The following ALDH8A1 variants were observed in gnomAD, a reference collection of about 807,000 sequenced individuals.
ALDH8A1 encodes the protein aldehyde dehydrogenase 8 family member A1.
A neutral mutation model predicts 43.3 loss-of-function variants in ALDH8A1; 39 were observed. The observed-to-expected ratio is 0.90, with a 90% CI of 0.70 to 1.18. The LOEUF (loss-of-function observed/expected upper bound fraction) is 1.18. ALDH8A1 is among the 50% of genes most tolerant of loss of function. The pLI, the probability that ALDH8A1 is intolerant of heterozygous loss-of-function variation, is 0.00. For synonymous variants in ALDH8A1, 233 were observed against 243.5 expected, an observed-to-expected ratio of 0.96 and a Z score of 0.40; for missense variants, 605 against 622.6, an observed-to-expected ratio of 0.97 and a Z score of 0.30.
intron 2 of ALDH8A1, among the ~76,000 whole-genome samples, chr6:134,943,237 T>C (rs1773890184): frequency 6.6e-6 from 1 of 152,228 alleles, no homozygotes; most frequent in Non-Finnish European, 1.5e-5. Flanking sequence ...TTTCTGATTT[T>C]TGATTGGTTT....
At chr6:134,949,607 G>T (rs1329609119) in intron 1 of ALDH8A1, among the ~76,000 whole-genome samples, 1 of 151,998 alleles carries the variant, frequency 6.6e-6, no homozygotes, top group Non-Finnish European at 1.5e-5. Context: ...CAAAGTGATA[G>T]CTCTTACAAA....
In ALDH8A1 at chr6:134,944,193, G is replaced by A. The variant is rs147021076; in HGVS notation, c.139-227C>T. 610 of 474,840 alleles carry A rather than the reference G, an allele frequency of 1.3e-3. 2 individuals carry two copies. The highest frequency in any genetic ancestry group is 0.011 in the African/African-American group (568 of 50,508). 29.4% of individuals were successfully genotyped at this position (474,840 alleles called of 1,614,324 possible). A position where few individuals can be genotyped will look rare whatever the true frequency, so the allele number is the denominator to read the frequency against. On this transcript the variant is annotated intron_variant, in intron 1 of 6. Transcript: ENST00000265605. The stretch of plus-strand genomic sequence containing the variant: ...AGTGATTCTCCCACCTCAGCCTCCT[G>A]AGCAGCTGGGATTACAGGCATGTGC...
At chr6:134,944,149 C>T (rs536692419) in intron 1 of ALDH8A1, 183 bp from the exon 2 acceptor site, 1 of 680,710 alleles carries the variant, frequency 1.5e-6, no homozygotes, top group South Asian at 2.3e-5. Context: ...CTCACTGCAA[C>T]CTCTGCCTCC....
intron 4 of ALDH8A1, 150 bp downstream of exon 4, chr6:134,939,116 C>G: frequency 8.0e-7 from 1 of 1,248,208 alleles, no homozygotes; most frequent in Non-Finnish European, 1.1e-6. Flanking sequence ...TGAGGGAACC[C>G]TGTGGGTGGA....
intron 3 of ALDH8A1, 38 bp downstream of exon 3, chr6:134,942,371 C>T (rs1773870566): frequency 6.5e-7 from 1 of 1,538,980 alleles, no homozygotes; most frequent in Non-Finnish European, 8.8e-7. Context: ...CATCTGCAAG[C>T]ATAACCGGGA....
chr6:134,927,893 G>A (rs2114684976), intron 6 of ALDH8A1, among the ~76,000 whole-genome samples: 1 of 152,216 alleles, frequency 6.6e-6, no homozygotes, highest in South Asian at 2.1e-4. Context: ...AGAGCCAGAA[G>A]GAGAGAGAAC....
rs1196724249 is a variant in ALDH8A1, at chr6:134,934,866, T to C, written c.593-1834A>G. On this transcript the variant is annotated intron_variant, in intron 4 of 6. Transcript: ENST00000265605. ...GATACAGGGTAGCAGAGTCTTGTGA[T>C]AGAAAAGATTGGGGCACCCATTTTT... 2.6e-5 allele frequency among the ~76,000 whole-genome samples: 4 copies of C among 152,218 alleles called. No individual in the cohort carries two copies. In the East Asian group the frequency reaches 7.7e-4, roughly 29 times the overall value.
At position 134,947,851 on chromosome 6, in the gene ALDH8A1, A is replaced by T. The variant is rs561712842; in HGVS notation, c.138+2065T>A. Among the ~76,000 whole-genome samples the T allele has an allele frequency of 9.6e-3, 1,051 of 109,766 alleles. 4 individuals carry two copies. Among genetic ancestry groups the T allele is most frequent in the South Asian group, 0.017 (59 of 3,488 alleles). The allele number at this position is 109,766 out of a possible 152,430, so 72.0% of individuals were successfully genotyped here. The stretch of plus-strand genomic sequence containing the variant: ...AAACGCATGTAGGTTTCTCAAAAAA[A>T]AAAAAATAAAAATAGAACAACAGTA... On this transcript the variant is annotated intron_variant, in intron 1 of 6. Transcript: ENST00000265605.
At chr6:134,923,295 G>A (rs1327732105) in intron 6 of ALDH8A1, among the ~76,000 whole-genome samples, 2 of 151,930 alleles carry the variant, frequency 1.3e-5, no homozygotes, top group East Asian at 1.9e-4. Context: ...CTCCCACAGT[G>A]CTAGGATTAC....
chr6:134,930,381 C>T (rs1313864678), intron 5 of ALDH8A1, among the ~76,000 whole-genome samples: 2 of 152,162 alleles, frequency 1.3e-5, no homozygotes, highest in Non-Finnish European at 2.9e-5. Context: ...AAAAATAACC[C>T]TATCATTTGA....
intron 4 of ALDH8A1, among the ~76,000 whole-genome samples, chr6:134,936,590 T>C (rs1387563343): frequency 6.6e-6 from 1 of 152,194 alleles, no homozygotes; most frequent in Non-Finnish European, 1.5e-5. Flanking sequence ...ATGGAATCAC[T>C]GCTAATGTTC....
chr6:134,934,268 A>G (rs1773690463), intron 4 of ALDH8A1, among the ~76,000 whole-genome samples: 1 of 152,228 alleles, frequency 6.6e-6, no homozygotes, highest in South Asian at 2.1e-4. Flanking sequence ...CAAACACGCC[A>G]TAGTATGACT....
rs61731731 is a variant in ALDH8A1, at chr6:134,918,678, G to A, written c.1201C>T (p.Pro401Ser). ...EIFGPVTCVV[P>S]FDSEEEVIER... ...ATCACCTCCTCTTCACTATCAAAGG[G>A]GACGACACACGTCACTGGACCAAAT... Residue 401 changes from proline (P) to serine (S), a missense_variant, in exon 7 of 7, where the codon CCC (proline) becomes TCC (serine). Transcript: ENST00000265605. 3.7e-6 allele frequency: 6 copies of A among 1,614,004 alleles called. No individual in the cohort carries two copies. In the Admixed American group the frequency reaches 8.3e-5, roughly 22 times the overall value.
chr6:134,933,657 C>T (rs1419366055), intron 4 of ALDH8A1, among the ~76,000 whole-genome samples: 1 of 152,200 alleles, frequency 6.6e-6, no homozygotes, highest in African/African-American at 2.4e-5. Flanking sequence ...CAAGACTCTG[C>T]TACCCTGTAT....
At chr6:134,930,714 C>T (rs1037303294) in intron 5 of ALDH8A1, among the ~76,000 whole-genome samples, 4 of 152,218 alleles carry the variant, frequency 2.6e-5, no homozygotes, top group South Asian at 2.1e-4. Flanking sequence ...CCTGTGACAT[C>T]AGGGAAGGAG....
Position 134,918,636 on chromosome 6 carries a change from C to A in ALDH8A1, c.1243G>T (p.Val415Phe), listed in dbSNP as rs780465992. 9 of 1,614,182 alleles carry A rather than the reference C, an allele frequency of 5.6e-6. No homozygotes were observed. The highest frequency in any genetic ancestry group is 1.1e-5 in the South Asian group (1 of 91,086). The change falls in exon 7 of 7, where the codon GTT becomes TTT. Residue 415 changes from valine to phenylalanine, a missense_variant. By Grantham distance (50) the Val-to-Phe change is conservative. Transcript: ENST00000265605. ...ACGGTAGCCGCCAGCCCATACTTAA[C>A]GTTGTTGGCTCTTTCAATCACCTCC... Reference protein sequence around the residue: ...EEEVIERANNVKYGLAATVWS... With the variant: ...EEEVIERANNFKYGLAATVWS...
intron 1 of ALDH8A1, among the ~76,000 whole-genome samples, chr6:134,948,464 C>T (rs1562262296): frequency 6.6e-6 from 1 of 152,080 alleles, no homozygotes; most frequent in African/African-American, 2.4e-5. Flanking sequence ...ACATTGTATG[C>T]ATGTATCAAA....
intron 4 of ALDH8A1, among the ~76,000 whole-genome samples, chr6:134,935,206 A>T (rs574492086): frequency 6.6e-6 from 1 of 152,334 alleles, no homozygotes; most frequent in Admixed American, 6.5e-5. Context: ...TTGATAGCAC[A>T]TGGAACTCAG....
At chr6:134,944,246 T>C (rs980565187) in intron 1 of ALDH8A1, 14 of 299,550 alleles carry the variant, frequency 4.7e-5, no homozygotes, top group Non-Finnish European at 7.5e-5. Context: ...TTTTGTATTT[T>C]TTAGTAGAAA....
Sources: allele counts gnomAD v4.1 joint callset (sites outside exome capture counted in the v4.1 genomes callset), GRCh38; gene constraint gnomAD v4.1.1; transcripts MANE v1.5; gene names NCBI Gene and HGNC (gene_info 2026-07-23, HGNC 2026-07-21).